The following SAMD7 variants were observed in gnomAD, a reference collection of about 807,000 sequenced individuals.
The protein encoded by SAMD7 is sterile alpha motif domain containing 7.
In SAMD7, 34 loss-of-function variants were observed where a neutral mutation model predicts 36.7. The observed-to-expected ratio is 0.93, with a 90% CI of 0.71 to 1.23. The LOEUF (loss-of-function observed/expected upper bound fraction) is 1.23. Ranked by LOEUF, SAMD7 falls within the 50% of genes most tolerant of loss-of-function variation. The pLI, the probability that SAMD7 is intolerant of heterozygous loss-of-function variation, is 0.00. For synonymous variants in SAMD7, 188 were observed against 189.7 expected (o/e 0.99, Z 0.07); for missense variants, 570 against 546.6 (o/e 1.04, Z -0.43).
chr3:169,928,815 A>G (rs575394193), intron 7 of SAMD7, among the ~76,000 whole-genome samples: 1 of 152,234 alleles, frequency 6.6e-6, no homozygotes, highest in African/African-American at 2.4e-5. Context: ...CTTCTTTCCT[A>G]TCAAGACTCC....
chr3:169,925,242 A>G (rs551892164), intron 5 of SAMD7, 106 bp downstream of exon 5: 5 of 644,110 alleles, frequency 7.8e-6, no homozygotes, highest in Non-Finnish European at 1.3e-5. Context: ...TATAACAAAT[A>G]AATACACACA....
chr3:169,921,656 A>C (rs1362254150), intron 4 of SAMD7, among the ~76,000 whole-genome samples: 1 of 152,246 alleles, frequency 6.6e-6, no homozygotes, highest in East Asian at 1.9e-4. Context: ...ATGGGGCTTA[A>C]GGCAGTTTAC....
intron 2 of SAMD7, among the ~76,000 whole-genome samples, chr3:169,916,860 T>C (rs956178762): frequency 9.2e-5 from 14 of 152,190 alleles, no homozygotes; most frequent in African/African-American, 3.4e-4. Flanking sequence ...CCGAATCCCA[T>C]GAGGAGCACC....
intron 2 of SAMD7, 116 bp from the exon 3 acceptor site, chr3:169,919,342 G>A (rs1007429085): frequency 1.4e-5 from 9 of 629,494 alleles, no homozygotes; most frequent in Admixed American, 5.6e-5. Flanking sequence ...GCTTGGTGTA[G>A]CTAGTCTTCC....
chr3:169,925,245 T>TAC (rs1713210044), intron 5 of SAMD7, 109 bp downstream of exon 5: 1 of 635,572 alleles, frequency 1.6e-6, no homozygotes, highest in Middle Eastern at 4.3e-4. Context: ...AACAAATAAA[T>TAC]ACACACACAC....
rs572561217 is a variant in SAMD7 at position 169,937,607 on chromosome 3, C to A, written c.1153-711C>A. Among the ~76,000 whole-genome samples, 11 of 152,300 alleles carry A rather than the reference C, an allele frequency of 7.2e-5. No individual in the cohort carries two copies. In the South Asian group the frequency reaches 2.1e-3, roughly 29 times the overall value. The stretch of plus-strand genomic sequence containing the variant: ...ATGATCTCGTTCCTTTTTATGGCTG[C>A]ATAGTATTCCATGGTGTATATGTAC... On this transcript the variant is annotated intron_variant, in intron 8 of 8. Transcript: ENST00000335556.
Position 169,938,799 on chromosome 3 carries a change from A to G in SAMD7, c.*293A>G, listed in dbSNP as rs1713818061. ...CCATGAAGAAATCTCTGAAGAAACC[A>G]AAAGAGCTGAAACTGAAAAAAGAGC... On this transcript the variant is annotated 3_prime_UTR_variant, in exon 9 of 9. Coordinates refer to ENST00000335556, the MANE Select transcript of SAMD7 (RefSeq NM_001304366.2). 1 of 262,676 alleles carries G rather than the reference A, an allele frequency of 3.8e-6. No homozygotes were observed. Among genetic ancestry groups the G allele is most frequent in the Non-Finnish European group, 7.1e-6 (1 of 140,896 alleles). The allele number at this position is 262,676 out of a possible 1,614,324, so 16.3% of individuals were successfully genotyped here.
chr3:169,933,457 C>T (rs1713596989), intron 7 of SAMD7, among the ~76,000 whole-genome samples: 1 of 152,146 alleles, frequency 6.6e-6, no homozygotes, highest in Admixed American at 6.5e-5. Flanking sequence ...CTTCTGAATT[C>T]CTCAGCAATT....
chr3:169,932,617 C>T (rs1225358800), intron 7 of SAMD7: 2 of 525,976 alleles, frequency 3.8e-6, no homozygotes, highest in Non-Finnish European at 7.5e-6. Flanking sequence ...GTTATTACTA[C>T]CGAGAAACAG....
intron 1 of SAMD7, among the ~76,000 whole-genome samples, chr3:169,912,283 T>G (rs187872084): frequency 6.6e-5 from 10 of 152,328 alleles, no homozygotes; most frequent in Admixed American, 6.5e-4. Context: ...CCATGAAATG[T>G]CAGAGTAGAA....
At position 169,938,504 on chromosome 3, in the gene SAMD7, TA is replaced by T. The variant is rs748060292; in HGVS notation, c.*2del. ...AATTGAGCGAGGTAGTATGAGAAAC[TA>T]AAAGCCCTCAAGGAGGAAGAATAGT... ...KGIERGSMRN[*>X] On this transcript the variant is annotated frameshift_variant and stop_lost, in exon 9 of 9. Transcript: ENST00000335556. LOFTEE classifies it high-confidence loss of function. 1 of 1,599,520 alleles carries T rather than the reference TA, an allele frequency of 6.3e-7. No homozygotes were observed. Among genetic ancestry groups the T allele is most frequent in the South Asian group, 1.1e-5 (1 of 89,770 alleles).
At chr3:169,915,573 ATTTTTTTTTTTTTTTT>A (rs59645657) in intron 2 of SAMD7, 132 bp downstream of exon 2, 3 of 59,568 alleles carry the variant, frequency 5.0e-5, no homozygotes, top group South Asian at 9.2e-4. Context: ...TATATATATA[ATTTTTTTTTTTTTTTT>A]TTTTTTTTTT....
intron 2 of SAMD7, among the ~76,000 whole-genome samples, chr3:169,918,514 T>C (rs1712910049): frequency 6.6e-6 from 1 of 152,190 alleles, no homozygotes; most frequent in African/African-American, 2.4e-5. Flanking sequence ...TTAAAATCAT[T>C]CAAAGGATAT....
intron 5 of SAMD7, chr3:169,926,098 C>A: frequency 2.4e-6 from 1 of 410,340 alleles, no homozygotes; most frequent in African/African-American, 2.1e-5. Flanking sequence ...GTGAAGTAAG[C>A]AAAACTACCG....
intron 4 of SAMD7, 72 bp downstream of exon 4, chr3:169,921,410 T>A (rs1189195948): frequency 2.0e-6 from 3 of 1,487,590 alleles, no homozygotes; most frequent in Non-Finnish European, 2.8e-6. Context: ...AAGTTTGCCA[T>A]CAAATTACTC....
In SAMD7 at chr3:169,938,487, G is replaced by C. The variant is rs373905806; in HGVS notation, c.1322G>C (p.Arg441Pro). 5.3e-5 allele frequency: 85 copies of C among 1,608,716 alleles called. No homozygotes were observed. Among genetic ancestry groups the C allele is most frequent in the Non-Finnish European group, 6.8e-5 (80 of 1,177,118 alleles). ...ACAATAATTCCTAAAGGAATTGAGC[G>C]AGGTAGTATGAGAAACTAAAAGCCC... The part of the protein sequence containing the change: ...QDTIIPKGIE[R>P]GSMRN Residue 441 changes from arginine to proline, a missense_variant, in exon 9 of 9, where the codon CGA becomes CCA. Coordinates refer to ENST00000335556, the MANE Select transcript of SAMD7 (RefSeq NM_001304366.2).
At chr3:169,926,164 T>G (rs1713247696) in intron 5 of SAMD7, 1 of 672,428 alleles carries the variant, frequency 1.5e-6, no homozygotes, top group Non-Finnish European at 2.3e-6. Flanking sequence ...ATATTGAGAC[T>G]TGCAATGTCT....
intron 2 of SAMD7, among the ~76,000 whole-genome samples, chr3:169,916,732 T>C (rs1292085843): frequency 6.6e-6 from 1 of 152,226 alleles, no homozygotes; most frequent in East Asian, 1.9e-4. Context: ...AATCTTCTGC[T>C]AGAGACCATC....
At chr3:169,936,248 G>A (rs1015923365) in intron 7 of SAMD7, 91 bp from the exon 8 acceptor site, 17 of 808,842 alleles carry the variant, frequency 2.1e-5, no homozygotes, top group South Asian at 2.0e-4. Flanking sequence ...CAGTCTTAAT[G>A]TTTTCTCCAA....
Sources: gnomAD v4.1 joint callset for allele counts (sites outside exome capture counted in the v4.1 genomes callset) on GRCh38, gnomAD v4.1.1 for gene constraint, MANE v1.5 for transcripts, NCBI Gene and HGNC (gene_info 2026-07-23, HGNC 2026-07-21) for gene names.